Variants in COPS7A observed in about 807,000 individuals in gnomAD.
The protein encoded by COPS7A is COP9 signalosome complex subunit 7a.
In COPS7A, 20 loss-of-function variants were observed where a neutral mutation model predicts 35.2. The ratio of observed to expected loss-of-function variants is 0.57; its 90% confidence interval spans 0.40 to 0.83. The LOEUF is 0.83. COPS7A is among the 40% of genes least tolerant of loss of function. COPS7A has a pLI of 0.00. For synonymous variants in COPS7A, 139 were observed against 141.4 expected (o/e 0.98, Z 0.12); for missense variants, 247 against 347.5 (o/e 0.71, Z 2.30).
In COPS7A at chr12:6,728,239, T is replaced by A; in HGVS notation, c.255T>A (p.Leu85=). 6.2e-7 allele frequency: 1 copy of A among 1,614,094 alleles called. No individual in the cohort carries two copies. The highest frequency in any genetic ancestry group is 2.2e-5 in the East Asian group (1 of 44,888). The change falls in exon 4 of 8, where the codon CTT becomes CTA. Residue 85 remains leucine (L), a synonymous_variant. Transcript: ENST00000543155. Reference sequence around the variant, plus strand: ...TTTCCCTAGCTGAAGCCCGGAATCTTCCTCCACTAACAGAGGCTCAGAAGA... The same window carrying A: ...TTTCCCTAGCTGAAGCCCGGAATCTACCTCCACTAACAGAGGCTCAGAAGA... The part of the protein sequence containing the change: ...YADYLAEARN[L]PPLTEAQKNK...
rs137916934 is a variant in COPS7A at position 6,726,782 on chromosome 12, C to T, written c.163-1144C>T. Reference sequence around the variant, plus strand: ...TCTCAAAGAAAAAGAAAAAGAAGCACTTATTAAGTGGCTCTTTACTACCCT... The same window carrying T: ...TCTCAAAGAAAAAGAAAAAGAAGCATTTATTAAGTGGCTCTTTACTACCCT... On this transcript the variant is annotated intron_variant, in intron 2 of 7. Transcript: ENST00000543155. Among the ~76,000 whole-genome samples, 290 of 151,844 alleles carry T rather than the reference C, an allele frequency of 1.9e-3. 1 individual carries two copies. Among genetic ancestry groups the T allele is most frequent in the Admixed American group, 0.015 (230 of 15,248 alleles).
In COPS7A at chr12:6,731,144, G is replaced by C. The variant is rs751044892; in HGVS notation, c.*105G>C. On this transcript the variant is annotated 3_prime_UTR_variant, in exon 8 of 8. Coordinates refer to ENST00000543155, the MANE Select transcript of COPS7A (RefSeq NM_001164094.2). The stretch of plus-strand genomic sequence containing the variant: ...TGCCCCTGGCCAGCTGATAATCCTA[G>C]GTTCATGACCCTTCACCTCCCCTAA... 1.7e-5 allele frequency: 27 copies of C among 1,607,016 alleles called. No homozygotes were observed. Among genetic ancestry groups the C allele is most frequent in the Non-Finnish European group, 2.2e-5 (26 of 1,176,828 alleles).
rs1292549929 is a variant in COPS7A, at chr12:6,729,492, A to G, written c.530+43A>G. On this transcript the variant is annotated intron_variant, in intron 5 of 7. Coordinates refer to ENST00000543155, the MANE Select transcript of COPS7A (RefSeq NM_001164094.2). This position sits in a 1 kb window ranked among gnomAD's most constrained non-coding sequence, Gnocchi z 4.2. ...GCACTGTCCCCTTCTCACCCTGAGA[A>G]AGAGAAAGGCGCTTCAGGGTGAGAG... 1 of 1,592,474 alleles carries G rather than the reference A, an allele frequency of 6.3e-7. No individual in the cohort carries two copies.
At position 6,730,425 on chromosome 12, in the gene COPS7A, T is replaced by C; in HGVS notation, c.554T>C (p.Leu185Pro). The C allele has an allele frequency of 6.2e-7, 1 of 1,614,138 alleles. No individual in the cohort carries two copies. The highest frequency in any genetic ancestry group is 8.5e-7 in the Non-Finnish European group (1 of 1,180,010). The change falls in exon 6 of 8, where the codon CTG becomes CCG. Residue 185 changes from leucine to proline, a missense_variant. Transcript: ENST00000543155. ...QEWCVGCEVV[L>P]SGIEEQVSRA... ...AGGTGTGTGGGCTGTGAGGTCGTGCTGTCAGGCATTGAGGAGCAGGTGAGC... is the reference window on the plus strand; with the variant it reads ...AGGTGTGTGGGCTGTGAGGTCGTGCCGTCAGGCATTGAGGAGCAGGTGAGC...
intron 2 of COPS7A, chr12:6,725,780 G>A (rs1019946397): frequency 6.6e-6 from 3 of 456,042 alleles, no homozygotes; most frequent in Admixed American, 4.7e-5. Context: ...ACTGAGCTAA[G>A]TTATTTGGGG....
Position 6,729,176 on chromosome 12 carries a change from A to C in COPS7A, c.328-71A>C. The C allele has an allele frequency of 6.5e-7, 1 of 1,530,782 alleles. No individual in the cohort carries two copies. The highest frequency in any genetic ancestry group is 2.3e-5 in the East Asian group (1 of 44,186). The allele number at this position is 1,530,782 out of a possible 1,614,324, so 94.8% of individuals were successfully genotyped here. On this transcript the variant is annotated intron_variant, in intron 4 of 7. Transcript: ENST00000543155. The surrounding 1 kb of genome is among the most constrained non-coding windows in gnomAD (Gnocchi z 4.2). ...GGTGGGCTAGGGCAGGGGGAAAAGG[A>C]GGGAAGATTTTTGGAAGCCCTTCTC... is the stretch of plus-strand genomic sequence containing the variant.
Position 6,729,039 on chromosome 12 carries a change from AT to A in COPS7A, c.328-205del, listed in dbSNP as rs1941324277. Reference sequence around the variant, plus strand: ...GTGTTAGGGGAGCATTTTGTATTTTATTTAAGATTGTCCTTCTAATGATGCT... The same window carrying A: ...GTGTTAGGGGAGCATTTTGTATTTTATTAAGATTGTCCTTCTAATGATGCT... On this transcript the variant is annotated intron_variant, in intron 4 of 7. Transcript: ENST00000543155. This position sits in a 1 kb window ranked among gnomAD's most constrained non-coding sequence, Gnocchi z 4.2. The A allele has an allele frequency of 1.7e-6, 1 of 578,652 alleles. No individual in the cohort carries two copies. The highest frequency in any genetic ancestry group is 3.1e-6 in the Non-Finnish European group (1 of 324,476). 35.8% of individuals were successfully genotyped at this position (578,652 alleles called of 1,614,324 possible). A position where few individuals can be genotyped will look rare whatever the true frequency, so the allele number is the denominator to read the frequency against.
At chr12:6,724,499 C>A in intron 1 of COPS7A, 115 bp from the exon 2 acceptor site, 1 of 866,944 alleles carries the variant, frequency 1.2e-6, no homozygotes. Flanking sequence ...CGCTCCATGT[C>A]TGATTCCTCA....
chr12:6,728,293 C>T lies in COPS7A; in HGVS notation c.309C>T (p.Thr103=), dbSNP rs1051710156. ...AGCTTCGACACCTCTCAGTTGTCACCCTGGCTGCTAAAGTAAAGGTGAGTG... is the reference window on the plus strand; with the variant it reads ...AGCTTCGACACCTCTCAGTTGTCACTCTGGCTGCTAAAGTAAAGGTGAGTG... ...KNKLRHLSVV[T]LAAKVKCIPY... is the part of the protein sequence containing the mutation. Residue 103 remains threonine, a synonymous_variant, in exon 4 of 8, where the codon ACC becomes ACT. Transcript: ENST00000543155. 9 of 1,613,902 alleles carry T rather than the reference C, an allele frequency of 5.6e-6. No homozygotes were observed. In the African/African-American group the frequency reaches 1.1e-4, roughly 19 times the overall value.
intron 7 of COPS7A, 82 bp from the exon 8 acceptor site, chr12:6,730,918 T>C: frequency 1.3e-6 from 2 of 1,587,822 alleles, no homozygotes; most frequent in South Asian, 1.1e-5. Flanking sequence ...TGCATGGGAG[T>C]AGGGAGTGGG....
chr12:6,728,665 A>G (rs1405812360), intron 4 of COPS7A, among the ~76,000 whole-genome samples: 1 of 152,098 alleles, frequency 6.6e-6, no homozygotes, highest in Non-Finnish European at 1.5e-5. Context: ...AAACATATAT[A>G]TTCTAGAAGT....
rs117018880 is a variant in COPS7A, at chr12:6,731,658, G to A, written c.*619G>A. The A allele has an allele frequency of 4.9e-4, 76 of 154,048 alleles. 1 individual carries two copies. In the East Asian group the frequency reaches 0.012, roughly 24 times the overall value. The allele number at this position is 154,048 out of a possible 1,614,324, so 9.5% of individuals were successfully genotyped here. On this transcript the variant is annotated 3_prime_UTR_variant, in exon 8 of 8. Coordinates refer to ENST00000543155, the MANE Select transcript of COPS7A (RefSeq NM_001164094.2). ...ACCCCAGAGCCTAAGAATGGCAGCC[G>A]TTTCTTAACATGTTGAGAGATGATT...
Position 6,731,184 on chromosome 12 carries a change from C to G in COPS7A, c.*145C>G. The G allele has an allele frequency of 6.5e-7, 1 of 1,548,434 alleles. No homozygotes were observed. The highest frequency in any genetic ancestry group is 8.7e-7 in the Non-Finnish European group (1 of 1,145,046). On this transcript the variant is annotated 3_prime_UTR_variant, in exon 8 of 8. Transcript: ENST00000543155. ...ACCTCCCCTAACCCCAAACATAGAT[C>G]ACACCTTCTCTAGGGAGGAGGCAAA...
In COPS7A at chr12:6,725,373, G is replaced by A. The variant is rs537332969; in HGVS notation, c.162+555G>A. On this transcript the variant is annotated intron_variant, in intron 2 of 7. Coordinates refer to ENST00000543155, the MANE Select transcript of COPS7A (RefSeq NM_001164094.2). ...GGGATTTCACTGTGTTAGCCAGGAT[G>A]ATCTCGATCTCCTGACCTCGTGATC... Among the ~76,000 whole-genome samples, 13 of 152,224 alleles carry A rather than the reference G, an allele frequency of 8.5e-5. No homozygotes were observed. The East Asian group carries it at 2.5e-3, about 29-fold the overall frequency.
chr12:6,724,253 A>G, intron 1 of COPS7A, 74 bp downstream of exon 1: 1 of 336,020 alleles, frequency 3.0e-6, no homozygotes, highest in Middle Eastern at 5.8e-4. Context: ...AGCCACGTGT[A>G]AGCTTCAATG....
In COPS7A at chr12:6,727,407, G is replaced by A. The variant is rs1468158141; in HGVS notation, c.163-519G>A. Among the ~76,000 whole-genome samples, 4 of 151,580 alleles carry A rather than the reference G, an allele frequency of 2.6e-5. No individual in the cohort carries two copies. In the East Asian group the frequency reaches 5.8e-4, roughly 22 times the overall value. The stretch of plus-strand genomic sequence containing the variant: ...GGAGGAGAGGAAATCTGGGTGGACT[G>A]GGCTGGGTGATGCAAGACAGTGTCC... On this transcript the variant is annotated intron_variant, in intron 2 of 7. Transcript: ENST00000543155.
Position 6,731,722 on chromosome 12 carries a change from A to G in COPS7A, c.*683A>G, listed in dbSNP as rs1592475425. The stretch of plus-strand genomic sequence containing the variant: ...GGCCATCTCGGGAAGCTTGATGGCA[A>G]TCCTGGAAGGGTTTAATCTCCTTTT... On this transcript the variant is annotated 3_prime_UTR_variant, in exon 8 of 8. Coordinates refer to ENST00000543155, the MANE Select transcript of COPS7A (RefSeq NM_001164094.2). 1 of 152,804 alleles carries G rather than the reference A, an allele frequency of 6.5e-6. No individual in the cohort carries two copies. The allele number at this position is 152,804 out of a possible 1,614,324, so 9.5% of individuals were successfully genotyped here.
intron 5 of COPS7A, 115 bp from the exon 6 acceptor site, chr12:6,730,287 G>A (rs871365): frequency 0.68 from 627,654 of 917,960 alleles, 216,702 homozygotes; most frequent in South Asian, 0.86. Context: ...AAAATGCAGG[G>A]ATTATGGGGG....
rs184994612 is a variant in COPS7A, at chr12:6,730,465, C to T, written c.594C>T (p.His198=). The change falls in exon 6 of 8, where the codon CAC becomes CAT. Residue 198 remains histidine (H), a synonymous_variant. Transcript: ENST00000543155. ...AGCAGGTGAGCCGTGCCAACCAACA[C>T]AAGGAGCAGCAGCTGGGCCTGAAGC... The part of the protein sequence containing the change: ...IEEQVSRANQ[H]KEQQLGLKQQ... The T allele has an allele frequency of 8.7e-6, 14 of 1,614,166 alleles. No individual in the cohort carries two copies. The highest frequency in any genetic ancestry group is 8.3e-5 in the Admixed American group (5 of 59,998).
Sources: allele counts gnomAD v4.1 joint callset (sites outside exome capture counted in the v4.1 genomes callset), GRCh38; gene constraint gnomAD v4.1.1; non-coding constraint Gnocchi (gnomAD v3.1); transcripts MANE v1.5; gene names NCBI Gene and HGNC (gene_info 2026-07-23, HGNC 2026-07-21).